BLK: variants seen among roughly 807,000 people sequenced by gnomAD.
The protein encoded by BLK is tyrosine-protein kinase Blk.
In BLK, 64 loss-of-function variants were observed where a neutral mutation model predicts 61.8. The observed-to-expected ratio is 1.03, with a 90% CI of 0.85 to 1.27. BLK has a LOEUF of 1.27. BLK is among the 50% of genes most tolerant of loss of function. BLK has a pLI of 0.00. For missense variants in BLK, 853 were observed against 660.5 expected (o/e 1.29, Z -3.19); for synonymous variants, 351 against 272.0 (o/e 1.29, Z -2.86).
intron 1 of BLK, among the ~76,000 whole-genome samples, chr8:11,505,945 G>T (rs949628061): frequency 6.6e-6 from 1 of 152,212 alleles, no homozygotes; most frequent in Non-Finnish European, 1.5e-5. Context: ...CAGTCCTAAT[G>T]TCCCTGCCTC....
chr8:11,504,762 G>C (rs1027802510), intron 1 of BLK, among the ~76,000 whole-genome samples: 1 of 152,202 alleles, frequency 6.6e-6, no homozygotes, highest in Non-Finnish European at 1.5e-5. Context: ...GCCTGATAAG[G>C]GTGCTGGCAT....
rs765828168 is a variant in BLK, at chr8:11,543,328, C to A, written c.104C>A (p.Ala35Asp). Reference protein sequence around the residue: ...PLKVSAQDKDAPPLPPLVVFN... With the variant: ...PLKVSAQDKDDPPLPPLVVFN... Reference sequence around the variant, plus strand: ...AAGGTCAGCGCCCAAGACAAGGACGCCCCGCCACTGCCGCCCCTGGTGAGT... The same window carrying A: ...AAGGTCAGCGCCCAAGACAAGGACGACCCGCCACTGCCGCCCCTGGTGAGT... Residue 35 changes from alanine (A) to aspartate (D), a missense_variant, in exon 2 of 13, where the codon GCC (alanine) becomes GAC (aspartate). Ala to Asp is a moderately radical substitution (Grantham distance 126). Transcript: ENST00000259089. 6 of 1,613,110 alleles carry A rather than the reference C, an allele frequency of 3.7e-6. No individual in the cohort carries two copies. The highest frequency in any genetic ancestry group is 4.2e-6 in the Non-Finnish European group (5 of 1,180,026).
At chr8:11,514,262 C>T (rs1045871018) in intron 1 of BLK, among the ~76,000 whole-genome samples, 1 of 152,212 alleles carries the variant, frequency 6.6e-6, no homozygotes, top group Non-Finnish European at 1.5e-5. Context: ...GCAAATAGAG[C>T]CTTGATCTGT....
At chr8:11,543,985 C>T (rs1415735716) in intron 2 of BLK, among the ~76,000 whole-genome samples, 6 of 145,926 alleles carry the variant, frequency 4.1e-5, no homozygotes, top group Admixed American at 1.4e-4. Flanking sequence ...TTTTTTGAGA[C>T]AGAGTCTCGC....
At chr8:11,502,863 G>T (rs181371664) in intron 1 of BLK, among the ~76,000 whole-genome samples, 3 of 152,148 alleles carry the variant, frequency 2.0e-5, no homozygotes, top group African/African-American at 7.2e-5. Flanking sequence ...GTGCTCGGTG[G>T]CAGGGGAAGG....
chr8:11,542,449 T>A (rs186124557), intron 1 of BLK, among the ~76,000 whole-genome samples: 6 of 152,234 alleles, frequency 3.9e-5, no homozygotes, highest in African/African-American at 1.2e-4. Flanking sequence ...TGGTCTCAGG[T>A]CAGACTGGAC....
At chr8:11,557,287 C>T (rs1321694268) in intron 9 of BLK, among the ~76,000 whole-genome samples, 2 of 152,214 alleles carry the variant, frequency 1.3e-5, no homozygotes, top group Non-Finnish European at 2.9e-5. Context: ...CTGAGGTCCA[C>T]GGCGTGGCCA....
chr8:11,536,354 G>T (rs79142660), intron 1 of BLK, among the ~76,000 whole-genome samples: 1 of 152,108 alleles, frequency 6.6e-6, no homozygotes, highest in Non-Finnish European at 1.5e-5. Flanking sequence ...TTGAATGTGG[G>T]TGATGAGTGT....
chr8:11,536,416 A>G (rs1453236706), intron 1 of BLK, among the ~76,000 whole-genome samples: 1 of 152,150 alleles, frequency 6.6e-6, no homozygotes, highest in Non-Finnish European at 1.5e-5. Flanking sequence ...TTTTTGAGAC[A>G]GTCTCACTCT....
Position 11,555,382 on chromosome 8 carries a change from G to A in BLK, c.670G>A (p.Ala224Thr), listed in dbSNP as rs1324136332. ...QRLTLPCVRP[A>T]PQNPWAQDEW... ...GCTGACCCTGCCCTGTGTGCGCCCGGCCCCGCAGAATCCCTGGGCCCAGGA... is the reference window on the plus strand; with the variant it reads ...GCTGACCCTGCCCTGTGTGCGCCCGACCCCGCAGAATCCCTGGGCCCAGGA... Residue 224 changes from alanine (A) to threonine (T), a missense_variant, in exon 8 of 13, where the codon GCC becomes ACC. By Grantham distance (58) the Ala-to-Thr change is moderately conservative. Transcript: ENST00000259089. The A allele has an allele frequency of 7.4e-6, 12 of 1,614,148 alleles. No homozygotes were observed. In the South Asian group the frequency reaches 1.1e-4, roughly 15 times the overall value.
intron 1 of BLK, among the ~76,000 whole-genome samples, chr8:11,519,951 G>A (rs900340877): frequency 1.2e-4 from 18 of 152,168 alleles, no homozygotes; most frequent in Admixed American, 3.3e-4. Flanking sequence ...TCTGGGAAAC[G>A]TTTTCTTTAT....
intron 1 of BLK, among the ~76,000 whole-genome samples, chr8:11,501,061 T>G (rs1026633589): frequency 2.0e-5 from 3 of 151,910 alleles, no homozygotes; most frequent in Non-Finnish European, 4.4e-5. Flanking sequence ...ATACAAAAAT[T>G]AGCTGGGCAT....
At position 11,561,330 on chromosome 8, in the gene BLK, G is replaced by A. The variant is rs149605952; in HGVS notation, c.1058G>A (p.Arg353His). 63 of 1,613,784 alleles carry A rather than the reference G, an allele frequency of 3.9e-5. 1 individual carries two copies. Among genetic ancestry groups the A allele is most frequent in the African/African-American group, 3.7e-4 (28 of 74,934 alleles). Reference protein sequence around the residue: ...QIAEGMAYIERMNSIHRDLRA... With the variant: ...QIAEGMAYIEHMNSIHRDLRA... ...GCTGAAGGGATGGCATACATTGAGC[G>A]CATGAATTCCATCCACCGCGACCTG... The change falls in exon 11 of 13, where the codon CGC becomes CAC. Residue 353 changes from arginine (R) to histidine (H), a missense_variant. By Grantham distance (29) the Arg-to-His change is conservative (BLOSUM62 0). Transcript: ENST00000259089.
At chr8:11,543,769 C>G (rs1800496344) in intron 2 of BLK, among the ~76,000 whole-genome samples, 1 of 152,148 alleles carries the variant, frequency 6.6e-6, no homozygotes, top group African/African-American at 2.4e-5. Context: ...CCTGTCCTCA[C>G]CTCCCGAGCA....
intron 1 of BLK, among the ~76,000 whole-genome samples, chr8:11,515,242 G>A (rs1799178671): frequency 1.3e-5 from 2 of 152,178 alleles, no homozygotes; most frequent in Admixed American, 6.5e-5. Flanking sequence ...AGTACAGGCG[G>A]TCTGGGCTTA....
At chr8:11,560,802 CTCATGTTCCATGTCAGGACT>C (rs1563125612) in intron 10 of BLK, 1 of 455,094 alleles carries the variant, frequency 2.2e-6, no homozygotes, top group Non-Finnish European at 4.4e-6. Context: ...GACCACATCC[CTCATGTTCCATGTCAGGACT>C]GTGGCCCCTC....
At chr8:11,560,231 A>G (rs1801439339) in intron 10 of BLK, 1 of 110,156 alleles carries the variant, frequency 9.1e-6, no homozygotes, top group Non-Finnish European at 1.7e-5. Context: ...GCATGGATGG[A>G]TGAATGGGTG....
intron 1 of BLK, among the ~76,000 whole-genome samples, chr8:11,514,644 C>G (rs746912489): frequency 6.6e-5 from 10 of 152,164 alleles, no homozygotes; most frequent in Non-Finnish European, 1.5e-4. Context: ...TTGCACTGCC[C>G]CCACCTCTGG....
At chr8:11,520,706 A>C (rs1013736806) in intron 1 of BLK, among the ~76,000 whole-genome samples, 4 of 152,132 alleles carry the variant, frequency 2.6e-5, no homozygotes, top group Non-Finnish European at 5.9e-5. Flanking sequence ...AATTCTTGCC[A>C]GTGTAATACA....
Sources: gnomAD v4.1 joint callset for allele counts (sites outside exome capture counted in the v4.1 genomes callset) on GRCh38, gnomAD v4.1.1 for gene constraint, MANE v1.5 for transcripts, NCBI Gene and HGNC (gene_info 2026-07-23, HGNC 2026-07-21) for gene names.